ZFPM2: variants seen among roughly 807,000 people sequenced by gnomAD.
ZFPM2 encodes zinc finger protein, FOG family member 2.
ZFPM2 carries 20 observed loss-of-function variants against 98.6 expected under a neutral mutation model. The ratio of observed to expected loss-of-function variants is 0.20; its 90% CI spans 0.14 to 0.29. The LOEUF is 0.29. ZFPM2 is among the 10% of genes least tolerant of loss of function. The pLI, the probability that ZFPM2 is intolerant of heterozygous loss-of-function variation, is 1.00. For synonymous variants in ZFPM2, 518 were observed against 502.7 expected, an observed-to-expected ratio of 1.03 and a Z score of -0.41; for missense variants, 1,310 against 1,388.6, an observed-to-expected ratio of 0.94 and a Z score of 0.90.
At position 105,482,632 on chromosome 8, in the gene ZFPM2, C is replaced by T. The variant is rs139742193; in HGVS notation, c.301+38251C>T. ...TCTTTCAATGTTTATTTTGATATTT[C>T]CCATCATAGCAAAATCTATCATTAT... On this transcript the variant is annotated intron_variant, in intron 3 of 7. Transcript: ENST00000407775. Among the ~76,000 whole-genome samples, 280 of 152,122 alleles carry T rather than the reference C, an allele frequency of 1.8e-3. 2 individuals are homozygous for T. Among genetic ancestry groups the T allele is most frequent in the Middle Eastern group, 3.4e-3 (1 of 294 alleles).
chr8:105,349,575 A>T (rs1329184943), intron 1 of ZFPM2, among the ~76,000 whole-genome samples: 1 of 152,176 alleles, frequency 6.6e-6, no homozygotes, highest in Non-Finnish European at 1.5e-5. Context: ...CTTTTAGGTC[A>T]ACGTAATGAA....
chr8:105,539,020 CAAACA>C (rs371558334), intron 3 of ZFPM2, among the ~76,000 whole-genome samples: 310 of 152,120 alleles, frequency 2.0e-3, no homozygotes, highest in Non-Finnish European at 1.9e-3. Flanking sequence ...CCCAGTCTCA[CAAACA>C]AAACAAAACA....
intron 5 of ZFPM2, among the ~76,000 whole-genome samples, chr8:105,762,637 T>G (rs778667640): frequency 4.6e-5 from 7 of 151,970 alleles, no homozygotes; most frequent in Non-Finnish European, 1.0e-4. Flanking sequence ...GTCGTTCATA[T>G]AAATATTTTT....
intron 1 of ZFPM2, among the ~76,000 whole-genome samples, chr8:105,334,652 T>A (rs1258599187): frequency 6.6e-6 from 1 of 151,682 alleles, no homozygotes; most frequent in Non-Finnish European, 1.5e-5. Flanking sequence ...AAAAAGTTTA[T>A]CTCCACGATG....
At chr8:105,694,140 C>T (rs1427720470) in intron 5 of ZFPM2, among the ~76,000 whole-genome samples, 1 of 151,670 alleles carries the variant, frequency 6.6e-6, no homozygotes, top group Admixed American at 6.6e-5. Context: ...GCGCCTGTCA[C>T]TACGCCGGCT....
rs537684938 is a variant in ZFPM2, at chr8:105,734,398, C to A, written c.533-54320C>A. On this transcript the variant is annotated intron_variant, in intron 5 of 7. Transcript: ENST00000407775. Reference sequence around the variant, plus strand: ...TACTTTACCAGGAAATTCCAAGATACCCACAGAAATACCAAGTGTGCTGTT... The same window carrying A: ...TACTTTACCAGGAAATTCCAAGATAACCACAGAAATACCAAGTGTGCTGTT... 7.0e-4 allele frequency among the ~76,000 whole-genome samples: 106 copies of A among 151,996 alleles called. 2 individuals carry two copies. In the South Asian group the frequency reaches 0.015, roughly 21 times the overall value.
chr8:105,778,473 T>A lies in ZFPM2; in HGVS notation c.533-10245T>A, dbSNP rs138054911. 4.2e-4 allele frequency among the ~76,000 whole-genome samples: 64 copies of A among 151,178 alleles called. 1 individual carries two copies. In the East Asian group the frequency reaches 8.7e-3, roughly 21 times the overall value. ...ACATGATACTCTGTGTATGTCTGCA[T>A]GTGTCTGAGTGCATGCGTGTGTGTG... On this transcript the variant is annotated intron_variant, in intron 5 of 7. Coordinates refer to ENST00000407775, the MANE Select transcript of ZFPM2 (RefSeq NM_012082.4).
In ZFPM2 at chr8:105,802,920, T is replaced by A; in HGVS notation, c.2838T>A (p.Ser946Arg). 2 of 1,613,598 alleles carry A rather than the reference T, an allele frequency of 1.2e-6. No individual in the cohort carries two copies. The highest frequency in any genetic ancestry group is 1.7e-6 in the Non-Finnish European group (2 of 1,179,770). The part of the protein sequence containing the change: ...LATLQGLKVF[S>R]EAAQLIATKE... Reference sequence around the variant, plus strand: ...CCCTGCAAGGCTTGAAGGTCTTTAGTGAAGCTGCTCAGCTCATTGCTACAA... The same window carrying A: ...CCCTGCAAGGCTTGAAGGTCTTTAGAGAAGCTGCTCAGCTCATTGCTACAA... Residue 946 changes from serine (S) to arginine (R), a missense_variant, in exon 8 of 8, where the codon AGT becomes AGA. Transcript: ENST00000407775.
At position 105,803,844 on chromosome 8, in the gene ZFPM2, T is replaced by G. The variant is rs895369666; in HGVS notation, c.*306T>G. 2.4e-5 allele frequency: 7 copies of G among 291,242 alleles called. No individual in the cohort carries two copies. The highest frequency in any genetic ancestry group is 4.6e-5 in the Non-Finnish European group (7 of 153,724). The allele number at this position is 291,242 out of a possible 1,614,324, so 18.0% of individuals were successfully genotyped here. A position where few individuals can be genotyped will look rare whatever the true frequency, so the allele number is the denominator to read the frequency against. On this transcript the variant is annotated 3_prime_UTR_variant, in exon 8 of 8. Coordinates refer to ENST00000407775, the MANE Select transcript of ZFPM2 (RefSeq NM_012082.4). ...TTGTATAGTTATTGTGTAGCACATATGGTTTGCACTGTATAGTAGCTTTTA... is the reference window on the plus strand; with the variant it reads ...TTGTATAGTTATTGTGTAGCACATAGGGTTTGCACTGTATAGTAGCTTTTA...
At chr8:105,529,609 A>G (rs1379599755) in intron 3 of ZFPM2, among the ~76,000 whole-genome samples, 3 of 150,822 alleles carry the variant, frequency 2.0e-5, no homozygotes, top group African/African-American at 7.3e-5. Context: ...AATTTCTTAA[A>G]GTCACCTCTC....
At chr8:105,396,090 A>T (rs1415707649) in intron 1 of ZFPM2, among the ~76,000 whole-genome samples, 1 of 152,144 alleles carries the variant, frequency 6.6e-6, no homozygotes, top group Non-Finnish European at 1.5e-5. Flanking sequence ...CCATATTTCT[A>T]CATTTTACCA....
intron 3 of ZFPM2, among the ~76,000 whole-genome samples, chr8:105,530,117 A>G (rs541665162): frequency 2.0e-5 from 3 of 152,300 alleles, no homozygotes; most frequent in East Asian, 3.9e-4. Context: ...TGGCTTGCTA[A>G]CAAATGTACT....
At chr8:105,366,218 C>T (rs926717759) in intron 1 of ZFPM2, among the ~76,000 whole-genome samples, 4 of 152,042 alleles carry the variant, frequency 2.6e-5, no homozygotes, top group Admixed American at 1.3e-4. Context: ...CGGTATTTTA[C>T]GTAATTCAAT....
At chr8:105,734,891 A>G (rs1315060713) in intron 5 of ZFPM2, among the ~76,000 whole-genome samples, 1 of 151,308 alleles carries the variant, frequency 6.6e-6, no homozygotes, top group East Asian at 1.9e-4. Context: ...TAATTTTTGC[A>G]CTTATAATAT....
chr8:105,514,865 A>C (rs1813888565), intron 3 of ZFPM2, among the ~76,000 whole-genome samples: 1 of 152,188 alleles, frequency 6.6e-6, no homozygotes, highest in African/African-American at 2.4e-5. Context: ...CAGTGAACTT[A>C]ATATCGAGCC....
At chr8:105,797,387 C>T (rs1813864143) in intron 6 of ZFPM2, among the ~76,000 whole-genome samples, 1 of 152,182 alleles carries the variant, frequency 6.6e-6, no homozygotes, top group Admixed American at 6.5e-5. Context: ...TACCTCCCAC[C>T]AGTCAAAACT....
At chr8:105,644,627 T>A (rs1230540601) in intron 5 of ZFPM2, among the ~76,000 whole-genome samples, 1 of 152,050 alleles carries the variant, frequency 6.6e-6, no homozygotes, top group Non-Finnish European at 1.5e-5. Flanking sequence ...TATAACAAAA[T>A]ACCATAGACT....
In ZFPM2 at chr8:105,802,789, A is replaced by C; in HGVS notation, c.2707A>C (p.Asn903His). 2.5e-6 allele frequency: 4 copies of C among 1,613,724 alleles called. No homozygotes were observed. The Middle Eastern group carries it at 6.6e-4, about 266-fold the overall frequency. ...KVFPNPESER[N>H]SPDVSYERSI... ...GTTTCCGAATCCAGAAAGCGAACGA[A>C]ACAGCCCTGATGTCAGCTACGAAAG... Residue 903 changes from asparagine to histidine, a missense_variant, in exon 8 of 8, where the codon AAC (asparagine) becomes CAC (histidine). By Grantham distance (68) the Asn-to-His change is moderately conservative (BLOSUM62 1). Coordinates refer to ENST00000407775, the MANE Select transcript of ZFPM2 (RefSeq NM_012082.4).
At chr8:105,797,510 T>TAATC (rs1477645924) in intron 6 of ZFPM2, among the ~76,000 whole-genome samples, 3 of 152,246 alleles carry the variant, frequency 2.0e-5, no homozygotes, top group Non-Finnish European at 2.9e-5. Flanking sequence ...TGATGCTTCG[T>TAATC]AATCATTAAG....
Sources: allele counts gnomAD v4.1 joint callset (sites outside exome capture counted in the v4.1 genomes callset), GRCh38; gene constraint gnomAD v4.1.1; transcripts MANE v1.5; gene names NCBI Gene and HGNC (gene_info 2026-07-23, HGNC 2026-07-21).